The following DMD variants were observed in gnomAD, a reference collection of about 807,000 sequenced individuals.
The protein encoded by DMD is dystrophin.
Under a neutral mutation model 330.1 loss-of-function variants are expected in DMD, and 63 were observed. That is an observed-to-expected ratio of 0.19 (90% CI 0.16 to 0.24). DMD has a LOEUF of 0.24. Ranked by LOEUF, DMD falls within the 10% of genes least tolerant of loss-of-function variation. DMD has a pLI of 1.00. For synonymous variants in DMD, 1,223 were observed against 959.8 expected (o/e 1.27, Z -5.07); for missense variants, 3,344 against 2,684.1 (o/e 1.25, Z -5.43).
At chrX:32,121,729 C>CAA (rs904183939) in intron 44 of DMD, among the ~76,000 whole-genome samples, 2 of 88,233 alleles carry the variant, frequency 2.3e-5, no homozygotes, top group Non-Finnish European at 4.4e-5. Flanking sequence ...TGGAAGGAGT[C>CAA]AAAAAAAATG....
intron 1 of DMD, among the ~76,000 whole-genome samples, chrX:33,323,433 C>A (rs111740242): frequency 1.8e-5 from 2 of 111,562 alleles, no homozygotes; most frequent in African/African-American, 6.5e-5. Context: ...TAGATATTAT[C>A]TAATTCAGTG....
chrX:31,329,243 T>TAAGTACTAGAATCATAGC (rs1351911401), intron 61 of DMD, among the ~76,000 whole-genome samples: 1 of 111,993 alleles, frequency 8.9e-6, no homozygotes, highest in Non-Finnish European at 1.9e-5. Context: ...GACAAGACCA[T>TAAGTACTAGAATCATAGC]AAGTACTAGA....
At chrX:31,551,105 G>A (rs1312005724) in intron 55 of DMD, among the ~76,000 whole-genome samples, 9 of 107,903 alleles carry the variant, frequency 8.3e-5, no homozygotes, top group Non-Finnish European at 1.5e-4. Context: ...ACTTGAACTC[G>A]GGAGGTGGAG....
intron 9 of DMD, among the ~76,000 whole-genome samples, chrX:32,693,041 T>A (rs191579887): frequency 1.6e-3 from 177 of 111,986 alleles, no homozygotes; most frequent in African/African-American, 5.5e-3. Context: ...TAAGTAATAA[T>A]GAAGGCTCTT....
intron 12 of DMD, among the ~76,000 whole-genome samples, chrX:32,601,487 A>C (rs1031236803): frequency 8.9e-6 from 1 of 111,886 alleles, no homozygotes; most frequent in African/African-American, 3.2e-5. Flanking sequence ...ATACAAGCAC[A>C]CTAAATGCTT....
Position 31,392,477 on chromosome X carries a change from T to G in DMD, c.9085-43843A>C, listed in dbSNP as rs2060724317. Reference sequence around the variant, plus strand: ...AACTGTTCCTGCTGTGACAACAATATAGCCAGCACAAGTCCCCCCAAACCA... The same window carrying G: ...AACTGTTCCTGCTGTGACAACAATAGAGCCAGCACAAGTCCCCCCAAACCA... On this transcript the variant is annotated intron_variant, in intron 60 of 78. Transcript: ENST00000357033. Among the ~76,000 whole-genome samples the G allele has an allele frequency of 2.7e-5, 3 of 112,226 alleles. No homozygotes were observed. In the South Asian group the frequency reaches 1.1e-3, roughly 42 times the overall value.
intron 62 of DMD, among the ~76,000 whole-genome samples, chrX:31,307,509 A>G (rs1274594902): frequency 9.0e-6 from 1 of 111,680 alleles, no homozygotes; most frequent in Non-Finnish European, 1.9e-5. Context: ...GACTAAGAGT[A>G]TATGAAATAT....
intron 41 of DMD, among the ~76,000 whole-genome samples, chrX:32,335,698 A>G (rs2097706005): frequency 9.2e-6 from 1 of 108,269 alleles, no homozygotes; most frequent in Non-Finnish European, 1.9e-5. Context: ...ATAACATGTT[A>G]TATACATAAC....
intron 1 of DMD, among the ~76,000 whole-genome samples, chrX:33,277,663 C>G (rs1284815192): frequency 9.0e-6 from 1 of 111,230 alleles, no homozygotes; most frequent in Admixed American, 9.6e-5. Flanking sequence ...TGGCATTTTC[C>G]CACCCTCAGC....
In DMD at chrX:31,300,259, C is replaced by T. The variant is rs745343679; in HGVS notation, c.9224+23339G>A. ...TTTGCTGGATATGGAAGGTGCAACA[C>T]GCATTTTTCATGTTACAAAAATCTT... On this transcript the variant is annotated intron_variant, in intron 62 of 78. Transcript: ENST00000357033. 3.4e-4 allele frequency among the ~76,000 whole-genome samples: 38 copies of T among 112,202 alleles called. 1 individual carries two copies. Among genetic ancestry groups the T allele is most frequent in the South Asian group, 1.5e-3 (4 of 2,679 alleles).
intron 52 of DMD, among the ~76,000 whole-genome samples, chrX:31,710,887 T>C (rs2084578517): frequency 9.0e-6 from 1 of 111,525 alleles, no homozygotes; most frequent in African/African-American, 3.3e-5. Flanking sequence ...AAATGATTTA[T>C]ATCATCATTT....
intron 2 of DMD, among the ~76,000 whole-genome samples, chrX:32,859,210 G>A (rs898360204): frequency 9.0e-6 from 1 of 111,128 alleles, no homozygotes; most frequent in Non-Finnish European, 1.9e-5. Flanking sequence ...GCTCACACCT[G>A]TAATCCTAGC....
intron 13 of DMD, among the ~76,000 whole-genome samples, chrX:32,594,346 G>C (rs73461755): frequency 0.011 from 1,242 of 111,307 alleles, 17 homozygotes; most frequent in African/African-American, 0.038. Flanking sequence ...ATGGATGAAG[G>C]AATTGTGGTG....
At chrX:32,943,116 G>A (rs1202163438) in intron 2 of DMD, among the ~76,000 whole-genome samples, 3 of 111,332 alleles carry the variant, frequency 2.7e-5, no homozygotes, top group South Asian at 3.8e-4. Context: ...GATTTGTCAC[G>A]CATTAGAAAA....
At chrX:32,872,746 G>T (rs111651463) in intron 2 of DMD, among the ~76,000 whole-genome samples, 36,370 of 110,822 alleles carry the variant, frequency 0.33, 4,550 homozygotes, top group African/African-American at 0.44. Flanking sequence ...AAGTTAGTGG[G>T]CAAAGAAGGA....
chrX:31,503,579 G>A (rs2070643902), intron 56 of DMD, among the ~76,000 whole-genome samples: 1 of 111,905 alleles, frequency 8.9e-6, no homozygotes, highest in South Asian at 3.7e-4. Context: ...AACACTTGAA[G>A]AAACATGTTA....
In DMD at chrX:32,235,211, G is replaced by A. The variant is rs141737131; in HGVS notation, c.6291-18148C>T. On this transcript the variant is annotated intron_variant, in intron 43 of 78. Transcript: ENST00000357033. ...TGCAGCTAGATGGTCCCATCTGGGG[G>A]GTGATGGGAGACAGTGACAGATCAT... Among the ~76,000 whole-genome samples the A allele has an allele frequency of 6.2e-3, 692 of 111,446 alleles. 6 individuals are homozygous for A. Among genetic ancestry groups the A allele is most frequent in the African/African-American group, 0.021 (642 of 30,595 alleles).
At position 31,951,175 on chromosome X, in the gene DMD, GTA is replaced by G. The variant is rs1244761050; in HGVS notation, c.6614+17162_6614+17163del. The stretch of plus-strand genomic sequence containing the variant: ...TATATATATGTATATATATATATAT[GTA>G]TATATATATATCTTAATAGATATCT... On this transcript the variant is annotated intron_variant, in intron 45 of 78. Transcript: ENST00000357033. Among the ~76,000 whole-genome samples the G allele has an allele frequency of 8.6e-3, 547 of 63,475 alleles. 11 individuals are homozygous for G. The South Asian group carries it at 0.097, about 11-fold the overall frequency. 55.1% of individuals were successfully genotyped at this position (63,475 alleles called of 115,157 possible). A position where few individuals can be genotyped will look rare whatever the true frequency, so the allele number is the denominator to read the frequency against.
intron 59 of DMD, among the ~76,000 whole-genome samples, chrX:31,476,397 G>GTGTATATA (rs796082098): frequency 5.3e-4 from 47 of 88,315 alleles, no homozygotes; most frequent in African/African-American, 1.9e-3. Flanking sequence ...GTGTGTGTGT[G>GTGTATATA]TATATATATA....
Sources: allele counts gnomAD v4.1 joint callset (sites outside exome capture counted in the v4.1 genomes callset), GRCh38; gene constraint gnomAD v4.1.1; transcripts MANE v1.5; gene names NCBI Gene and HGNC (gene_info 2026-07-23, HGNC 2026-07-21).